Variants in VPS13B observed in about 807,000 individuals in gnomAD.
VPS13B encodes the protein intermembrane lipid transfer protein VPS13B.
A neutral mutation model predicts 426.4 loss-of-function variants in VPS13B; 285 were observed. The ratio of observed to expected loss-of-function variants is 0.67; its 90% CI spans 0.61 to 0.74. The LOEUF (loss-of-function observed/expected upper bound fraction) is 0.74. VPS13B is among the 30% of genes least tolerant of loss of function. The probability of loss-of-function intolerance (pLI) is 0.00; values close to 1 mark genes in which losing one functional copy is unlikely to be tolerated. For synonymous variants in VPS13B, 1,676 were observed against 1,676.4 expected (o/e 1.00, Z 0.01); for missense variants, 4,537 against 4,782.6 (o/e 0.95, Z 1.51).
At chr8:99,653,556 AC>A (rs1410671917) in intron 34 of VPS13B, among the ~76,000 whole-genome samples, 1 of 152,126 alleles carries the variant, frequency 6.6e-6, no homozygotes, top group East Asian at 1.9e-4. Flanking sequence ...TTAATATGAA[AC>A]AACCAAATTT....
At chr8:99,678,472 T>C (rs951385559) in intron 35 of VPS13B, among the ~76,000 whole-genome samples, 2 of 152,158 alleles carry the variant, frequency 1.3e-5, no homozygotes, top group Non-Finnish European at 2.9e-5. Flanking sequence ...CCTTCCTCAG[T>C]TGATCCAGTC....
intron 39 of VPS13B, among the ~76,000 whole-genome samples, chr8:99,751,512 G>A (rs932725887): frequency 2.0e-5 from 3 of 152,024 alleles, no homozygotes; most frequent in African/African-American, 4.8e-5. Context: ...TATTTATTAC[G>A]TTTGTAAGTT....
At chr8:99,036,066 A>G (rs1842731663) in intron 2 of VPS13B, among the ~76,000 whole-genome samples, 1 of 152,154 alleles carries the variant, frequency 6.6e-6, no homozygotes, top group Non-Finnish European at 1.5e-5. Flanking sequence ...CTTATCAGAT[A>G]GATGGTTTGC....
chr8:99,508,651 G>A (rs975193938), intron 28 of VPS13B, among the ~76,000 whole-genome samples: 1 of 152,048 alleles, frequency 6.6e-6, no homozygotes, highest in Non-Finnish European at 1.5e-5. Context: ...ATGTTCATTA[G>A]TGTCTGTGAA....
intron 59 of VPS13B, among the ~76,000 whole-genome samples, chr8:99,870,541 C>CTAAT (rs1363337915): frequency 2.0e-5 from 3 of 152,262 alleles, no homozygotes; most frequent in South Asian, 2.1e-4. Flanking sequence ...TTTGCTTCCT[C>CTAAT]TAATTGCTAG....
intron 8 of VPS13B, among the ~76,000 whole-genome samples, chr8:99,129,390 CCTGT>C (rs1313253965): frequency 6.7e-6 from 1 of 149,378 alleles, no homozygotes; most frequent in Non-Finnish European, 1.5e-5. Context: ...ATAGTGAGAC[CCTGT>C]CTGTACAAAA....
chr8:99,469,062 T>C (rs901674749), intron 24 of VPS13B, among the ~76,000 whole-genome samples: 13 of 152,120 alleles, frequency 8.5e-5, no homozygotes, highest in African/African-American at 4.8e-5. Context: ...AAAAATGCAT[T>C]TAATTGGAAT....
intron 19 of VPS13B, among the ~76,000 whole-genome samples, chr8:99,352,561 C>T (rs778077566): frequency 2.0e-5 from 3 of 152,106 alleles, no homozygotes; most frequent in Non-Finnish European, 2.9e-5. Context: ...TGGCTGGGCG[C>T]AGTGGCTCAC....
intron 34 of VPS13B, among the ~76,000 whole-genome samples, chr8:99,654,066 T>G (rs913885681): frequency 3.3e-5 from 5 of 151,684 alleles, no homozygotes; most frequent in East Asian, 1.9e-4. Flanking sequence ...TATATTTTTT[T>G]GGGACAGAGT....
Position 99,870,766 on chromosome 8 carries a change from C to T in VPS13B, c.11393-19C>T. On this transcript the variant is annotated intron_variant, in intron 59 of 61. Coordinates refer to ENST00000357162, the MANE Select transcript of VPS13B (RefSeq NM_152564.5). ...TCCAGAAAACAAGTAGTAAAACTCC[C>T]TTACTTCTCTTACCACAGGTATTTT... is the stretch of plus-strand genomic sequence containing the variant. 1 of 1,612,196 alleles carries T rather than the reference C, an allele frequency of 6.2e-7. No homozygotes were observed. Among genetic ancestry groups the T allele is most frequent in the Non-Finnish European group, 8.5e-7 (1 of 1,178,280 alleles).
At chr8:99,082,902 T>C (rs1845562817) in intron 3 of VPS13B, among the ~76,000 whole-genome samples, 1 of 152,220 alleles carries the variant, frequency 6.6e-6, no homozygotes, top group African/African-American at 2.4e-5. Flanking sequence ...GCCTGATGCC[T>C]CCAGCTTTGT....
chr8:99,710,024 A>G (rs956400576), intron 36 of VPS13B, among the ~76,000 whole-genome samples: 5 of 152,234 alleles, frequency 3.3e-5, no homozygotes, highest in Non-Finnish European at 5.9e-5. Flanking sequence ...AATAATATTC[A>G]TGCTTTTAAA....
intron 32 of VPS13B, 103 bp downstream of exon 32, chr8:99,575,887 C>T (rs1165834063): frequency 3.4e-6 from 4 of 1,169,032 alleles, no homozygotes; most frequent in South Asian, 1.3e-5. Context: ...TTCAAATTAG[C>T]TCATTAATAA....
intron 39 of VPS13B, among the ~76,000 whole-genome samples, chr8:99,753,145 G>A (rs561015726): frequency 2.0e-5 from 3 of 152,240 alleles, no homozygotes; most frequent in South Asian, 4.1e-4. Context: ...ATCTTCACAT[G>A]TAGTATGCAT....
chr8:99,744,781 G>A (rs1162265960), intron 39 of VPS13B, among the ~76,000 whole-genome samples: 10 of 151,590 alleles, frequency 6.6e-5, no homozygotes, highest in Non-Finnish European at 1.2e-4. Context: ...GAGAATACAT[G>A]GACACAGGAA....
chr8:99,469,504 A>G (rs534674862), intron 24 of VPS13B, among the ~76,000 whole-genome samples: 59 of 152,192 alleles, frequency 3.9e-4, no homozygotes, highest in African/African-American at 1.3e-3. Context: ...AGTAGTGAAT[A>G]CTTTTGAATG....
At chr8:99,390,650 C>T (rs970775004) in intron 20 of VPS13B, among the ~76,000 whole-genome samples, 4 of 152,058 alleles carry the variant, frequency 2.6e-5, no homozygotes, top group Admixed American at 6.6e-5. Flanking sequence ...CCTGACCAAC[C>T]GCCACCAGAT....
intron 51 of VPS13B, among the ~76,000 whole-genome samples, chr8:99,830,750 C>T (rs1374496655): frequency 1.3e-5 from 2 of 152,208 alleles, no homozygotes; most frequent in African/African-American, 4.8e-5. Context: ...AGGCAATCTC[C>T]TGGTCTGTGG....
At chr8:99,096,717 C>T (rs1846442297) in intron 4 of VPS13B, among the ~76,000 whole-genome samples, 1 of 146,386 alleles carries the variant, frequency 6.8e-6, no homozygotes, top group South Asian at 2.1e-4. Flanking sequence ...GATCATGCTA[C>T]TGCATTCCAG....
Sources: allele counts gnomAD v4.1 joint callset (sites outside exome capture counted in the v4.1 genomes callset), GRCh38; gene constraint gnomAD v4.1.1; transcripts MANE v1.5; gene names NCBI Gene and HGNC (gene_info 2026-07-23, HGNC 2026-07-21).